DNAAF11: variants seen among roughly 807,000 people sequenced by gnomAD.
DNAAF11 encodes dynein axonemal assembly factor 11.
A neutral mutation model predicts 60.8 loss-of-function variants in DNAAF11; 45 were observed. That is an observed-to-expected ratio of 0.74 (90% CI 0.58 to 0.95). The LOEUF (loss-of-function observed/expected upper bound fraction) is 0.95, where lower values mean the gene tolerates loss of function less well. Among genes scored for constraint, DNAAF11 ranks in the 40% least tolerant of loss-of-function variants. The pLI, the probability that DNAAF11 is intolerant of heterozygous loss-of-function variation, is 0.00. For synonymous variants in DNAAF11, 191 were observed against 183.5 expected (o/e 1.04, Z -0.33); for missense variants, 546 against 546.2 (o/e 1.00, Z 0.00).
intron 3 of DNAAF11, among the ~76,000 whole-genome samples, chr8:132,645,569 T>C (rs1312564501): frequency 2.0e-5 from 3 of 152,034 alleles, no homozygotes; most frequent in African/African-American, 7.2e-5. Flanking sequence ...TGTTTGAACC[T>C]ATCGCAAAGA....
At chr8:132,629,010 G>C (rs1480410463) in intron 5 of DNAAF11, among the ~76,000 whole-genome samples, 1 of 152,106 alleles carries the variant, frequency 6.6e-6, no homozygotes, top group Admixed American at 6.6e-5. Flanking sequence ...ATAAATATTA[G>C]CAAAATCAAT....
At chr8:132,656,360 T>A (rs1823568512) in intron 3 of DNAAF11, among the ~76,000 whole-genome samples, 1 of 152,216 alleles carries the variant, frequency 6.6e-6, no homozygotes, top group Non-Finnish European at 1.5e-5. Flanking sequence ...CATTTTTGAA[T>A]TTATGTATCA....
intron 7 of DNAAF11, among the ~76,000 whole-genome samples, chr8:132,622,314 T>C (rs537250601): frequency 1.3e-5 from 2 of 152,320 alleles, no homozygotes; most frequent in South Asian, 2.1e-4. Context: ...AATAATGTGA[T>C]GGCAATTTTC....
At chr8:132,633,041 AAAT>A (rs1177193391) in intron 4 of DNAAF11, 78 bp from the exon 5 acceptor site, 2 of 804,048 alleles carry the variant, frequency 2.5e-6, no homozygotes, top group East Asian at 5.2e-5. Flanking sequence ...TTTTGATTAG[AAAT>A]AATAATATAC....
chr8:132,699,298 A>C, the DNAAF11 span, among the ~76,000 whole-genome samples: 3 of 152,072 alleles, frequency 2.0e-5, no homozygotes, highest in African/African-American at 7.2e-5. Context: ...CAGAAAGAAG[A>C]ATGTTTCTGC....
the DNAAF11 span, among the ~76,000 whole-genome samples, chr8:132,697,932 A>T: frequency 6.6e-6 from 1 of 152,190 alleles, no homozygotes; most frequent in South Asian, 2.1e-4. Flanking sequence ...CCAGTGATAC[A>T]ATAAGAATGG....
chr8:132,609,727 A>G (rs900821642), intron 10 of DNAAF11, among the ~76,000 whole-genome samples: 1 of 152,212 alleles, frequency 6.6e-6, no homozygotes, highest in Non-Finnish European at 1.5e-5. Flanking sequence ...TTGACACATC[A>G]GAAAGATCCT....
At chr8:132,580,589 A>G (rs1364856988) in intron 11 of DNAAF11, among the ~76,000 whole-genome samples, 1 of 152,246 alleles carries the variant, frequency 6.6e-6, no homozygotes, top group Admixed American at 6.5e-5. Flanking sequence ...TCTATATACC[A>G]GCAACAGAGA....
chr8:132,686,450 A>G, the DNAAF11 span, among the ~76,000 whole-genome samples: 1 of 152,184 alleles, frequency 6.6e-6, no homozygotes, highest in Non-Finnish European at 1.5e-5. Context: ...TCTCATTCAC[A>G]TCTTTAAAAT....
Position 132,670,517 on chromosome 8 carries a change from C to G in DNAAF11, c.10+4967G>C, listed in dbSNP as rs558190162. On this transcript the variant is annotated intron_variant, in intron 1 of 11. Coordinates refer to ENST00000620350, the MANE Select transcript of DNAAF11 (RefSeq NM_012472.6). ...AAATAAAACTATGGCACAGATGTCT[C>G]CTTTGATTAATTCTACCAAAAACTT... Among the ~76,000 whole-genome samples, 5 of 152,258 alleles carry G rather than the reference C, an allele frequency of 3.3e-5. No homozygotes were observed. The East Asian group carries it at 9.7e-4, about 29-fold the overall frequency.
intron 10 of DNAAF11, among the ~76,000 whole-genome samples, chr8:132,608,937 T>C (rs1818377038): frequency 6.6e-6 from 1 of 152,196 alleles, no homozygotes; most frequent in African/African-American, 2.4e-5. Flanking sequence ...AAACGCAGAA[T>C]TATTAAATTA....
intron 8 of DNAAF11, among the ~76,000 whole-genome samples, 175 bp from the exon 9 acceptor site, chr8:132,611,538 A>G (rs1053314732): frequency 6.6e-6 from 1 of 152,204 alleles, no homozygotes; most frequent in African/African-American, 2.4e-5. Context: ...AAGGAAATTC[A>G]ATATATCAGC....
At chr8:132,634,800 T>G (rs1247384093) in intron 4 of DNAAF11, among the ~76,000 whole-genome samples, 1 of 148,684 alleles carries the variant, frequency 6.7e-6, no homozygotes, top group East Asian at 1.9e-4. Context: ...TAAATATATA[T>G]TAACATAAAT....
chr8:132,688,362 G>A, the DNAAF11 span, among the ~76,000 whole-genome samples: 1 of 152,118 alleles, frequency 6.6e-6, no homozygotes, highest in African/African-American at 2.4e-5. Flanking sequence ...TCTGTCTTCT[G>A]GTAACAGAAC....
At chr8:132,596,558 G>A (rs1413279712) in intron 10 of DNAAF11, among the ~76,000 whole-genome samples, 1 of 152,176 alleles carries the variant, frequency 6.6e-6, no homozygotes. Flanking sequence ...ACATGCTGGA[G>A]AGGGTTTTGT....
chr8:132,652,213 C>T (rs76910524), intron 3 of DNAAF11, among the ~76,000 whole-genome samples: 2,167 of 152,298 alleles, frequency 0.014, 41 homozygotes, highest in African/African-American at 0.046. Context: ...GCACGCCCCA[C>T]CCACTTGCAG....
intron 5 of DNAAF11, among the ~76,000 whole-genome samples, chr8:132,626,568 C>G (rs529881357): frequency 6.6e-6 from 1 of 152,290 alleles, no homozygotes; most frequent in East Asian, 1.9e-4. Flanking sequence ...TATTAAGCAT[C>G]TTCTGTTGTG....
At chr8:132,662,212 T>C (rs918145056) in intron 1 of DNAAF11, among the ~76,000 whole-genome samples, 2 of 152,154 alleles carry the variant, frequency 1.3e-5, no homozygotes, top group African/African-American at 4.8e-5. Flanking sequence ...GGAGAAGTAT[T>C]TTTGAAAGCT....
intron 1 of DNAAF11, among the ~76,000 whole-genome samples, chr8:132,669,331 T>C (rs977686485): frequency 3.9e-5 from 6 of 152,202 alleles, no homozygotes; most frequent in African/African-American, 1.4e-4. Flanking sequence ...AAGGACACTG[T>C]TATTCCTGGT....
Sources: gnomAD v4.1 joint callset for allele counts (sites outside exome capture counted in the v4.1 genomes callset) on GRCh38, gnomAD v4.1.1 for gene constraint, MANE v1.5 for transcripts, NCBI Gene and HGNC (gene_info 2026-07-23, HGNC 2026-07-21) for gene names.